The following APOBEC1 variants were observed in gnomAD, a reference collection of about 807,000 sequenced individuals.
The protein encoded by APOBEC1 is C->U-editing enzyme APOBEC-1.
Under a neutral mutation model 26.3 loss-of-function variants are expected in APOBEC1, and 22 were observed. The observed-to-expected ratio is 0.84, with a 90% CI of 0.60 to 1.19. The LOEUF (loss-of-function observed/expected upper bound fraction) is 1.19, where lower values mean the gene tolerates loss of function less well. APOBEC1 is among the 50% of genes most tolerant of loss of function. APOBEC1 has a pLI of 0.00. For missense variants in APOBEC1, 253 were observed against 289.0 expected (o/e 0.88, Z 0.90); for synonymous variants, 77 against 95.3 (o/e 0.81, Z 1.12).
chr12:7,665,996 C>T (rs1421089282), upstream of APOBEC1: 3 of 1,005,532 alleles, frequency 3.0e-6, no homozygotes, highest in Non-Finnish European at 4.8e-6. Context: ...TCCCGCATCT[C>T]AGGCAGTTAT....
chr12:7,652,994 A>G (rs1412215875), intron 2 of APOBEC1, among the ~76,000 whole-genome samples, 159 bp from the exon 3 acceptor site: 1 of 151,464 alleles, frequency 6.6e-6, no homozygotes, highest in South Asian at 2.1e-4. Context: ...CAGTGGTGCA[A>G]TCTCAGCTCA....
intron 1 of APOBEC1, among the ~76,000 whole-genome samples, chr12:7,659,685 A>G (rs1045348905): frequency 6.6e-6 from 1 of 152,158 alleles, no homozygotes; most frequent in Non-Finnish European, 1.5e-5. Context: ...AAATGCAACT[A>G]CTGGCCAGGC....
intron 1 of APOBEC1, among the ~76,000 whole-genome samples, chr12:7,663,938 C>A (rs771180202): frequency 1.3e-5 from 2 of 152,110 alleles, no homozygotes; most frequent in Admixed American, 6.5e-5. Context: ...CTCACTGCAA[C>A]CTCCGCCTCC....
At chr12:7,655,610 G>A (rs1863703100) in intron 1 of APOBEC1, among the ~76,000 whole-genome samples, 1 of 152,212 alleles carries the variant, frequency 6.6e-6, no homozygotes, top group South Asian at 2.1e-4. Flanking sequence ...CAGCTTTGAG[G>A]GGCCTCACAG....
upstream of APOBEC1, chr12:7,666,037 G>C (rs931073178): frequency 6.1e-5 from 46 of 756,106 alleles, no homozygotes; most frequent in African/African-American, 1.2e-4. Context: ...CAAACAGGGG[G>C]CCGACTGAGA....
chr12:7,663,918 G>A (rs1418133764), intron 1 of APOBEC1, among the ~76,000 whole-genome samples: 6 of 151,822 alleles, frequency 4.0e-5, no homozygotes, highest in African/African-American at 7.3e-5. Context: ...GTGCAATGGC[G>A]CGATCTCGGC....
intron 1 of APOBEC1, among the ~76,000 whole-genome samples, chr12:7,656,748 A>G (rs989162302): frequency 6.6e-6 from 1 of 152,206 alleles, no homozygotes; most frequent in African/African-American, 2.4e-5. Context: ...ACGTAACACA[A>G]TGAATGGAAA....
chr12:7,668,393 T>C (rs1863918244), upstream of APOBEC1, among the ~76,000 whole-genome samples: 1 of 152,118 alleles, frequency 6.6e-6, no homozygotes, highest in Non-Finnish European at 1.5e-5. Flanking sequence ...GAAGCGGCAA[T>C]AGGAAACTGA....
At chr12:7,661,225 A>G (rs1347399181) in intron 1 of APOBEC1, among the ~76,000 whole-genome samples, 1 of 148,466 alleles carries the variant, frequency 6.7e-6, no homozygotes, top group African/African-American at 2.5e-5. Context: ...AAAAAAAAAA[A>G]GACGGGAACA....
At chr12:7,650,876 G>C (rs1328715448) in intron 4 of APOBEC1, 147 bp downstream of exon 4, 2 of 687,552 alleles carry the variant, frequency 2.9e-6, no homozygotes, top group Non-Finnish European at 5.1e-6. Context: ...CTGGCTCTGA[G>C]ATTTTCTTAA....
intron 2 of APOBEC1, among the ~76,000 whole-genome samples, chr12:7,654,049 C>T (rs1951014083): frequency 6.6e-6 from 1 of 152,144 alleles, no homozygotes; most frequent in African/African-American, 2.4e-5. Context: ...ATAATATATT[C>T]CTTAACATGA....
At chr12:7,661,450 T>C (rs1863818255) in intron 1 of APOBEC1, among the ~76,000 whole-genome samples, 1 of 151,764 alleles carries the variant, frequency 6.6e-6, no homozygotes, top group African/African-American at 2.4e-5. Flanking sequence ...GAGTATTTGG[T>C]AGTGTGGAGA....
chr12:7,669,195 CT>C (rs201005757), upstream of APOBEC1, among the ~76,000 whole-genome samples: 1,988 of 140,662 alleles, frequency 0.014, 14 homozygotes, highest in South Asian at 0.024. Context: ...TCAGCTTTTC[CT>C]TTTTTTTTTT....
At chr12:7,666,851 T>C (rs1236962107), upstream of APOBEC1, among the ~76,000 whole-genome samples, 1 of 151,458 alleles carries the variant, frequency 6.6e-6, no homozygotes, top group Non-Finnish European at 1.5e-5. Flanking sequence ...TGTGTACAGG[T>C]CTTTGGTGCT....
chr12:7,656,140 AT>A (rs909397432), intron 1 of APOBEC1, among the ~76,000 whole-genome samples: 94 of 147,326 alleles, frequency 6.4e-4, no homozygotes, highest in Non-Finnish European at 7.7e-4. Flanking sequence ...CCTAGGCCAA[AT>A]TTTTTTTTTT....
At chr12:7,665,976 G>T, upstream of APOBEC1, 1 of 1,214,704 alleles carries the variant, frequency 8.2e-7, no homozygotes, top group Non-Finnish European at 1.2e-6. Context: ...TTGGGCAGAG[G>T]ATGACTCATT....
Position 7,651,090 on chromosome 12 carries a change from G to A in APOBEC1, c.494C>T (p.Ala165Val), listed in dbSNP as rs1863631434. 6.2e-7 allele frequency: 1 copy of A among 1,613,998 alleles called. No individual in the cohort carries two copies. The highest frequency in any genetic ancestry group is 8.5e-7 in the Non-Finnish European group (1 of 1,180,000). Residue 165 changes from alanine (A) to valine (V), a missense_variant, in exon 4 of 5, where the codon GCT becomes GTT. Ala to Val is a moderately conservative substitution (Grantham distance 64). Transcript: ENST00000229304. ...CAGAGGTGGGTATTGTGGCCAGTGA[G>A]CTTCATCCCCAGGTGGGTAGTTGAC... ...NFVNYPPGDE[A>V]HWPQYPPLWM...
intron 1 of APOBEC1, 71 bp from the exon 2 acceptor site, chr12:7,654,703 A>T (rs1863690110): frequency 7.0e-7 from 1 of 1,422,258 alleles, no homozygotes; most frequent in Non-Finnish European, 9.9e-7. Context: ...AAAGTGCTCT[A>T]TTATTCCAAA....
Position 7,651,040 on chromosome 12 carries a change from G to A in APOBEC1, c.544C>T (p.Leu182=). The A allele has an allele frequency of 6.2e-7, 1 of 1,612,654 alleles. No homozygotes were observed. The highest frequency in any genetic ancestry group is 8.5e-7 in the Non-Finnish European group (1 of 1,178,664). Residue 182 remains leucine, a synonymous_variant, in exon 4 of 5, where the codon CTG becomes TTG. Coordinates refer to ENST00000229304, the MANE Select transcript of APOBEC1 (RefSeq NM_001644.5). Reference sequence around the variant, plus strand: ...TGACTTACTAGAATTATGCAGTGCAGCTCCAGTGCGTACAACATCATCCAC... The same window carrying A: ...TGACTTACTAGAATTATGCAGTGCAACTCCAGTGCGTACAACATCATCCAC... ...PLWMMLYALE[L]HCIILSLPPC... is the part of the protein sequence containing the mutation.
Sources: gnomAD v4.1 joint callset for allele counts (sites outside exome capture counted in the v4.1 genomes callset) on GRCh38, gnomAD v4.1.1 for gene constraint, MANE v1.5 for transcripts, NCBI Gene and HGNC (gene_info 2026-07-23, HGNC 2026-07-21) for gene names.